CDH4: variants seen among roughly 807,000 people sequenced by gnomAD.
CDH4 encodes cadherin-4.
In CDH4, 33 loss-of-function variants were observed where a neutral mutation model predicts 86.0. The ratio of observed to expected loss-of-function variants is 0.38; its 90% confidence interval spans 0.29 to 0.51. CDH4 has a LOEUF of 0.51. Among genes scored for constraint, CDH4 ranks in the 20% least tolerant of loss-of-function variants. The pLI, the probability that CDH4 is intolerant of heterozygous loss-of-function variation, is 0.86. For missense variants in CDH4, 1,114 were observed against 1,307.4 expected, an observed-to-expected ratio of 0.85 and a Z score of 2.28; for synonymous variants, 555 against 549.4, an observed-to-expected ratio of 1.01 and a Z score of -0.14.
chr20:61,905,219 CATT>C (rs1307418463), intron 8 of CDH4, among the ~76,000 whole-genome samples: 1 of 152,150 alleles, frequency 6.6e-6, no homozygotes, highest in Non-Finnish European at 1.5e-5. Context: ...ATTTAAAAGT[CATT>C]ATGGCTGGGG....
At chr20:61,604,539 G>A (rs2427177) in intron 2 of CDH4, among the ~76,000 whole-genome samples, 100 of 152,168 alleles carry the variant, frequency 6.6e-4, no homozygotes, top group Non-Finnish European at 1.1e-3. Flanking sequence ...AGCATTTCAA[G>A]TCTTGTAGAA....
At chr20:61,413,055 T>TG (rs1462184317) in intron 2 of CDH4, among the ~76,000 whole-genome samples, 3 of 152,162 alleles carry the variant, frequency 2.0e-5, no homozygotes, top group Admixed American at 2.0e-4. Context: ...GCTCTTGGTG[T>TG]GGGGGGCCAC....
intron 4 of CDH4, among the ~76,000 whole-genome samples, chr20:61,841,768 C>T (rs763691014): frequency 6.7e-5 from 10 of 149,782 alleles, no homozygotes; most frequent in Non-Finnish European, 1.2e-4. Flanking sequence ...TGTGTGTGTG[C>T]GCGCGTGCGC....
chr20:61,773,298 T>G, intron 4 of CDH4, 116 bp downstream of exon 4: 1 of 1,007,576 alleles, frequency 9.9e-7, no homozygotes. Flanking sequence ...AGGTCGCGAT[T>G]TCACCCTTTC....
rs1030958169 is a variant in CDH4 at position 61,278,658 on chromosome 20, A to G, written c.169+23721A>G. On this transcript the variant is annotated intron_variant, in intron 2 of 15. Coordinates refer to ENST00000614565, the MANE Select transcript of CDH4 (RefSeq NM_001794.5). ...ATTGTTCTGAGAATGTTCAAAATGC[A>G]AGGGAAATAGAGGCCATTTGGCAGG... Among the ~76,000 whole-genome samples, 3 of 152,216 alleles carry G rather than the reference A, an allele frequency of 2.0e-5. No individual in the cohort carries two copies. In the East Asian group the frequency reaches 5.8e-4, roughly 29 times the overall value.
rs536879541 is a variant in CDH4 at position 61,449,429 on chromosome 20, G to A, written c.169+194492G>A. Among the ~76,000 whole-genome samples, 155 of 152,302 alleles carry A rather than the reference G, an allele frequency of 1.0e-3. 1 individual carries two copies. The highest frequency in any genetic ancestry group is 3.2e-3 in the African/African-American group (132 of 41,564). ...GCAGCTCCACTCCCTGAGTCACTCC[G>A]CTAATAAGGACTATCCAGCCTGCCT... On this transcript the variant is annotated intron_variant, in intron 2 of 15. Transcript: ENST00000614565.
chr20:61,312,070 CAT>C (rs1337599876), intron 2 of CDH4, among the ~76,000 whole-genome samples: 2 of 151,898 alleles, frequency 1.3e-5, no homozygotes, highest in Non-Finnish European at 2.9e-5. Context: ...GTGATGTGCA[CAT>C]GTGTGGTGTG....
chr20:61,296,273 G>GCATGTT (rs370427522), intron 2 of CDH4, among the ~76,000 whole-genome samples: 1 of 6,054 alleles, frequency 1.7e-4, no homozygotes, highest in Non-Finnish European at 1.0e-3. Context: ...GTGTGTGTGT[G>GCATGTT]TGCGTGGGTG....
At chr20:61,296,496 T>C (rs1337673753) in intron 2 of CDH4, among the ~76,000 whole-genome samples, 1 of 151,896 alleles carries the variant, frequency 6.6e-6, no homozygotes, top group African/African-American at 2.4e-5. Context: ...AAAAATGCTT[T>C]AAAATTATGG....
chr20:61,427,188 G>A (rs1046723236), intron 2 of CDH4, among the ~76,000 whole-genome samples: 1 of 152,198 alleles, frequency 6.6e-6, no homozygotes, highest in Non-Finnish European at 1.5e-5. Context: ...CCTTCCTCAC[G>A]GTTCCACATT....
intron 2 of CDH4, among the ~76,000 whole-genome samples, chr20:61,267,511 T>C (rs1284444145): frequency 1.3e-5 from 2 of 152,198 alleles, no homozygotes; most frequent in Non-Finnish European, 2.9e-5. Flanking sequence ...TGAGGCACTT[T>C]AGTGTAGTAA....
chr20:61,855,925 A>C (rs533538205), intron 6 of CDH4, among the ~76,000 whole-genome samples: 1 of 152,316 alleles, frequency 6.6e-6, no homozygotes, highest in South Asian at 2.1e-4. Flanking sequence ...CTGGTCCCAC[A>C]ACAAGCTGTC....
chr20:61,341,104 G>A lies in CDH4; in HGVS notation c.169+86167G>A, dbSNP rs190354920. Among the ~76,000 whole-genome samples the A allele has an allele frequency of 4.0e-4, 61 of 152,294 alleles. No individual in the cohort carries two copies. The South Asian group carries it at 8.7e-3, about 22-fold the overall frequency. On this transcript the variant is annotated intron_variant, in intron 2 of 15. Transcript: ENST00000614565. ...GACAGTCACGATCCTGGCCTTCACC[G>A]TAAGCTTGCCCTTCTCGCTCAGTGA...
At chr20:61,690,457 G>T (rs1314645557) in intron 2 of CDH4, among the ~76,000 whole-genome samples, 3 of 152,140 alleles carry the variant, frequency 2.0e-5, no homozygotes, top group Admixed American at 6.5e-5. Flanking sequence ...AGGGGCTACA[G>T]GGTTTGCAGT....
intron 2 of CDH4, among the ~76,000 whole-genome samples, chr20:61,722,326 G>T (rs1051138233): frequency 1.3e-5 from 2 of 152,170 alleles, no homozygotes; most frequent in Non-Finnish European, 2.9e-5. Context: ...CAGCGTGCTG[G>T]TCATGCCAGC....
At chr20:61,608,523 G>A (rs1484437865) in intron 2 of CDH4, among the ~76,000 whole-genome samples, 1 of 152,216 alleles carries the variant, frequency 6.6e-6, no homozygotes, top group Non-Finnish European at 1.5e-5. Context: ...GGACGATTCT[G>A]CCCCACTGGG....
At chr20:61,264,997 C>T (rs2084149319) in intron 2 of CDH4, among the ~76,000 whole-genome samples, 1 of 149,322 alleles carries the variant, frequency 6.7e-6, no homozygotes, top group Non-Finnish European at 1.5e-5. Context: ...CTCAGTGGCT[C>T]CTTCATTCAG....
chr20:61,368,910 A>G (rs1381212581), intron 2 of CDH4, among the ~76,000 whole-genome samples: 3 of 152,254 alleles, frequency 2.0e-5, no homozygotes, highest in African/African-American at 7.2e-5. Flanking sequence ...ACAAATCAGT[A>G]TCACTGATTG....
intron 3 of CDH4, among the ~76,000 whole-genome samples, chr20:61,764,286 G>A (rs2088672853): frequency 6.6e-6 from 1 of 152,220 alleles, no homozygotes; most frequent in Admixed American, 6.5e-5. Context: ...TGAACCCCGG[G>A]GCCACCGACT....
Sources: gnomAD v4.1 joint callset for allele counts (sites outside exome capture counted in the v4.1 genomes callset) on GRCh38, gnomAD v4.1.1 for gene constraint, MANE v1.5 for transcripts, NCBI Gene and HGNC (gene_info 2026-07-23, HGNC 2026-07-21) for gene names.